Variants in TPTE2 observed in about 807,000 individuals in gnomAD.
TPTE2 encodes transmembrane phosphoinositide 3-phosphatase and tensin homolog 2, also known as phosphatidylinositol 3,4,5-trisphosphate 3-phosphatase TPTE2.
Under a neutral mutation model 78.6 loss-of-function variants are expected in TPTE2, and 53 were observed. The observed-to-expected ratio is 0.67, with a 90% CI of 0.54 to 0.85. The LOEUF (loss-of-function observed/expected upper bound fraction) is 0.85, where lower values mean the gene tolerates loss of function less well. Ranked by LOEUF, TPTE2 falls within the 40% of genes least tolerant of loss-of-function variation. The pLI, the probability that TPTE2 is intolerant of heterozygous loss-of-function variation, is 0.00. For missense variants in TPTE2, 461 were observed against 623.0 expected (o/e 0.74, Z 2.77); for synonymous variants, 175 against 206.2 (o/e 0.85, Z 1.30).
chr13:19,516,412 G>A (rs1161654420), intron 1 of TPTE2, among the ~76,000 whole-genome samples: 3 of 152,154 alleles, frequency 2.0e-5, no homozygotes, highest in East Asian at 3.9e-4. Context: ...GATCATATGA[G>A]GATCAAGCAT....
chr13:19,512,154 A>T (rs1366777097), intron 1 of TPTE2, among the ~76,000 whole-genome samples: 1 of 152,226 alleles, frequency 6.6e-6, no homozygotes, highest in African/African-American at 2.4e-5. Flanking sequence ...TGGTATTCAA[A>T]TCCCTCATCT....
chr13:19,549,895 G>A, the TPTE2 span, among the ~76,000 whole-genome samples: 3 of 102,376 alleles, frequency 2.9e-5, no homozygotes, highest in African/African-American at 8.0e-5. Flanking sequence ...GTGAATTAAT[G>A]CAGAAACAGA....
At chr13:19,457,417 T>C (rs575875380) in intron 10 of TPTE2, among the ~76,000 whole-genome samples, 8 of 152,308 alleles carry the variant, frequency 5.3e-5, no homozygotes, top group African/African-American at 1.9e-4. Flanking sequence ...TGCAGGTGTG[T>C]TACACAGTTA....
chr13:19,545,158 G>A, the TPTE2 span, among the ~76,000 whole-genome samples: 3 of 152,064 alleles, frequency 2.0e-5, no homozygotes, highest in African/African-American at 7.2e-5. Flanking sequence ...GCACAAATGA[G>A]TAGTAACTGA....
chr13:19,472,110 T>C (rs1215283649), intron 6 of TPTE2, among the ~76,000 whole-genome samples: 1 of 152,190 alleles, frequency 6.6e-6, no homozygotes, highest in Non-Finnish European at 1.5e-5. Context: ...TCTTTATCCT[T>C]GATCTTTGGG....
At chr13:19,490,266 C>A (rs1880921151) in intron 3 of TPTE2, among the ~76,000 whole-genome samples, 1 of 152,078 alleles carries the variant, frequency 6.6e-6, no homozygotes, top group Non-Finnish European at 1.5e-5. Context: ...CTTTTTAATT[C>A]AATAGCTAAA....
intron 3 of TPTE2, among the ~76,000 whole-genome samples, chr13:19,488,056 G>C (rs1174564777): frequency 6.6e-6 from 1 of 152,188 alleles, no homozygotes; most frequent in Admixed American, 6.5e-5. Flanking sequence ...GGGCTGCACA[G>C]GCTGAGTGCT....
intron 13 of TPTE2, among the ~76,000 whole-genome samples, chr13:19,442,714 G>T (rs1238157349): frequency 1.3e-5 from 2 of 151,918 alleles, no homozygotes; most frequent in African/African-American, 2.4e-5. Flanking sequence ...AAGCAATGTC[G>T]GGAATAAAAA....
chr13:19,431,644 C>A (rs1478164778), intron 16 of TPTE2, among the ~76,000 whole-genome samples: 27 of 149,866 alleles, frequency 1.8e-4, no homozygotes, highest in Middle Eastern at 3.5e-3. Context: ...ATCACAGTTT[C>A]TTGCCTCAGT....
chr13:19,558,793 A>C, the TPTE2 span, among the ~76,000 whole-genome samples: 2 of 152,240 alleles, frequency 1.3e-5, no homozygotes, highest in Admixed American at 1.3e-4. Context: ...ATAGTGTCAA[A>C]AAAGATAAAC....
chr13:19,551,259 A>C, the TPTE2 span, among the ~76,000 whole-genome samples: 1 of 152,344 alleles, frequency 6.6e-6, no homozygotes, highest in South Asian at 2.1e-4. Flanking sequence ...GTTATGTAAT[A>C]CATGAAACAC....
intron 1 of TPTE2, among the ~76,000 whole-genome samples, chr13:19,517,582 A>C (rs573074677): frequency 6.6e-6 from 1 of 152,288 alleles, no homozygotes; most frequent in African/African-American, 2.4e-5. Flanking sequence ...CCTGATGAGG[A>C]TGAGAGGACA....
intron 4 of TPTE2, among the ~76,000 whole-genome samples, 153 bp downstream of exon 7, chr13:19,482,335 C>A (rs1474895588): frequency 2.0e-5 from 3 of 151,864 alleles, no homozygotes; most frequent in African/African-American, 7.3e-5. Context: ...TCTAAGAATT[C>A]AACTGGAGTA....
chr13:19,492,719 T>C, intron 3 of TPTE2, 131 bp downstream of exon 6: 1 of 1,304,910 alleles, frequency 7.7e-7, no homozygotes. Flanking sequence ...TGCATGGGTT[T>C]GTTTGTGTAA....
At chr13:19,512,213 CGTT>C (rs944355846) in intron 1 of TPTE2, among the ~76,000 whole-genome samples, 2 of 152,120 alleles carry the variant, frequency 1.3e-5, no homozygotes, top group African/African-American at 4.8e-5. Context: ...ATATAAAAGA[CGTT>C]GTAATATTCT....
the TPTE2 span, among the ~76,000 whole-genome samples, chr13:19,552,091 T>C: frequency 6.6e-6 from 1 of 152,202 alleles, no homozygotes; most frequent in South Asian, 2.1e-4. Flanking sequence ...AGGCAAAGAT[T>C]TCCAAAGCCT....
rs370868846 is a variant in TPTE2 at position 19,515,370 on chromosome 13, G to A, written c.-43-12093C>T. 3.5e-4 allele frequency among the ~76,000 whole-genome samples: 54 copies of A among 152,232 alleles called. 1 individual carries two copies. The South Asian group carries it at 0.011, about 30-fold the overall frequency. Reference sequence around the variant, plus strand: ...CATTTTGGAAACAATATATTAAATGGTATCTTTTTATGTCTTTAAGAAAAG... The same window carrying A: ...CATTTTGGAAACAATATATTAAATGATATCTTTTTATGTCTTTAAGAAAAG... On this transcript the variant is annotated intron_variant, in intron 1 of 17. Coordinates refer to the TPTE2 transcript ENST00000390680.
At chr13:19,457,133 A>G (rs1593367505) in intron 10 of TPTE2, among the ~76,000 whole-genome samples, 1 of 152,216 alleles carries the variant, frequency 6.6e-6, no homozygotes, top group African/African-American at 2.4e-5. Context: ...AAAACATGAA[A>G]CTTGATACTT....
At chr13:19,516,304 C>G (rs1869789212) in intron 1 of TPTE2, among the ~76,000 whole-genome samples, 1 of 152,186 alleles carries the variant, frequency 6.6e-6, no homozygotes, top group Non-Finnish European at 1.5e-5. Flanking sequence ...CTTCTGCAAG[C>G]TTTCTGCACT....
Sources: allele counts gnomAD v4.1 joint callset (sites outside exome capture counted in the v4.1 genomes callset), GRCh38; gene constraint gnomAD v4.1.1; transcripts MANE v1.5; gene names NCBI Gene and HGNC (gene_info 2026-07-23, HGNC 2026-07-21).